Variants in BRD10 observed in about 807,000 individuals in gnomAD.
BRD10 encodes uncharacterized bromodomain-containing protein 10.
At chr9:5,916,524 T>G in the BRD10 span, among the ~76,000 whole-genome samples, 1 of 148,478 alleles carries the variant, frequency 6.7e-6, no homozygotes, top group Non-Finnish European at 1.5e-5. Context: ...TACATATGTG[T>G]GTATATATAT....
At chr9:5,933,064 C>T in the BRD10 span, among the ~76,000 whole-genome samples, 1 of 152,058 alleles carries the variant, frequency 6.6e-6, no homozygotes, top group African/African-American at 2.4e-5. Context: ...CTGATTAATA[C>T]ACAAACAAAG....
the BRD10 span, chr9:5,923,365 T>C: frequency 1.6e-6 from 2 of 1,263,314 alleles, no homozygotes; most frequent in Non-Finnish European, 2.2e-6. Flanking sequence ...TAAATAGTAA[T>C]AACATCAACT....
the BRD10 span, among the ~76,000 whole-genome samples, chr9:5,906,642 G>A: frequency 2.6e-5 from 4 of 152,312 alleles, no homozygotes; most frequent in Admixed American, 2.0e-4. Flanking sequence ...TGGGTCCCAG[G>A]TACTGCACTA....
the BRD10 span, chr9:5,897,470 A>G: frequency 1.6e-6 from 2 of 1,258,354 alleles, no homozygotes; most frequent in Non-Finnish European, 1.2e-6. Flanking sequence ...GTCAAAGTCC[A>G]TATGAAGAGG....
chr9:5,960,364 C>A, the BRD10 span, among the ~76,000 whole-genome samples: 1 of 152,096 alleles, frequency 6.6e-6, no homozygotes, highest in Non-Finnish European at 1.5e-5. Context: ...GAGTTCGAGA[C>A]CAGCCTGGCC....
the BRD10 span, among the ~76,000 whole-genome samples, chr9:5,879,724 T>C: frequency 1.3e-5 from 2 of 152,138 alleles, no homozygotes; most frequent in Non-Finnish European, 2.9e-5. Flanking sequence ...AATGCAGAGA[T>C]ACAGAACCAG....
At chr9:5,906,995 T>C in the BRD10 span, 1 of 1,584,982 alleles carries the variant, frequency 6.3e-7, no homozygotes, top group Non-Finnish European at 8.6e-7. Context: ...ACTGTGAACC[T>C]GTGGTAGGTT....
the BRD10 span, among the ~76,000 whole-genome samples, chr9:5,902,761 C>G: frequency 6.6e-6 from 1 of 152,070 alleles, no homozygotes; most frequent in South Asian, 2.1e-4. Flanking sequence ...CCTGCCTTGC[C>G]CTCCCAAAGT....
chr9:5,996,336 T>C, the BRD10 span, among the ~76,000 whole-genome samples: 2 of 152,042 alleles, frequency 1.3e-5, no homozygotes, highest in Non-Finnish European at 2.9e-5. Flanking sequence ...TTGTTGTTTT[T>C]GAGACAACGT....
chr9:6,008,042 C>G, the BRD10 span: 28 of 1,147,600 alleles, frequency 2.4e-5, no homozygotes, highest in East Asian at 8.7e-4. Flanking sequence ...CCCCTCCCCC[C>G]CGGCGGCGGC....
the BRD10 span, chr9:5,969,301 G>A: frequency 3.1e-6 from 5 of 1,613,702 alleles, no homozygotes; most frequent in African/African-American, 5.3e-5. Flanking sequence ...CTAAACAAAG[G>A]AAATGCCCAA....
chr9:5,968,337 A>G, the BRD10 span: 1 of 1,609,916 alleles, frequency 6.2e-7, no homozygotes, highest in Non-Finnish European at 8.5e-7. Flanking sequence ...TTTTCTTTTA[A>G]TGGACTGGGT....
chr9:5,914,365 TGAAA>T, the BRD10 span, among the ~76,000 whole-genome samples: 16 of 149,810 alleles, frequency 1.1e-4, no homozygotes, highest in African/African-American at 3.4e-4. Context: ...AATTCAAGCC[TGAAA>T]GAATTACAAT....
At chr9:5,975,619 G>A in the BRD10 span, among the ~76,000 whole-genome samples, 1 of 152,000 alleles carries the variant, frequency 6.6e-6, no homozygotes, top group Admixed American at 6.6e-5. Flanking sequence ...CACAGAATGC[G>A]ATTTATGACA....
chr9:5,880,663 C>T, the BRD10 span, among the ~76,000 whole-genome samples: 1 of 152,040 alleles, frequency 6.6e-6, no homozygotes, highest in Non-Finnish European at 1.5e-5. Flanking sequence ...TCAGTTTCTA[C>T]CTGATCCCTT....
the BRD10 span, among the ~76,000 whole-genome samples, chr9:5,901,519 C>A: frequency 6.6e-6 from 1 of 152,006 alleles, no homozygotes; most frequent in South Asian, 2.1e-4. Context: ...TAATTCATTT[C>A]TCTTTTTCTT....
the BRD10 span, among the ~76,000 whole-genome samples, chr9:5,999,317 C>T: frequency 6.0e-4 from 92 of 152,100 alleles, no homozygotes; most frequent in African/African-American, 2.0e-3. Flanking sequence ...TCTCTTATAT[C>T]TAGCATTGCT....
the BRD10 span, among the ~76,000 whole-genome samples, chr9:5,896,217 C>T: frequency 3.9e-5 from 6 of 152,210 alleles, no homozygotes; most frequent in South Asian, 2.1e-4. Flanking sequence ...AACATCATTC[C>T]TAACTCCGAG....
the BRD10 span, chr9:5,969,523 A>G: frequency 1.1e-6 from 1 of 897,030 alleles, no homozygotes; most frequent in Non-Finnish European, 1.6e-6. Flanking sequence ...TTAGCCAAAA[A>G]GGCAATCAAC....
Sources: allele counts gnomAD v4.1 joint callset (sites outside exome capture counted in the v4.1 genomes callset), GRCh38; gene constraint gnomAD v4.1.1; transcripts MANE v1.5; gene names NCBI Gene and HGNC (gene_info 2026-07-23, HGNC 2026-07-21).